ADA: variants seen among roughly 807,000 people sequenced by gnomAD.
ADA encodes the protein adenosine deaminase.
Under a neutral mutation model 49.0 loss-of-function variants are expected in ADA, and 45 were observed. The observed-to-expected ratio is 0.92, with a 90% CI of 0.72 to 1.18. ADA has a LOEUF of 1.18. Ranked by LOEUF, ADA falls within the 50% of genes most tolerant of loss-of-function variation. The probability of loss-of-function intolerance (pLI) is 0.00; values close to 1 mark genes in which losing one functional copy is unlikely to be tolerated. For missense variants in ADA, 445 were observed against 472.5 expected (o/e 0.94, Z 0.54); for synonymous variants, 173 against 184.2 (o/e 0.94, Z 0.49).
intron 3 of ADA, among the ~76,000 whole-genome samples, 172 bp from the exon 4 acceptor site, chr20:44,626,771 A>G (rs554708630): frequency 1.3e-5 from 2 of 152,118 alleles, no homozygotes; most frequent in East Asian, 3.9e-4. Context: ...TATCAGCTCT[A>G]CTTTGGAACT....
chr20:44,619,660 A>T lies in ADA; in HGVS notation c.*174T>A, dbSNP rs886056706. On this transcript the variant is annotated 3_prime_UTR_variant, in exon 12 of 12. Transcript: ENST00000372874. ...GCCAGGGCACATAATCAGAGAAGTG[A>T]CGCGGCCATGCCGAGGTATACGTGT... The T allele has an allele frequency of 7.6e-6, 6 of 789,490 alleles. No homozygotes were observed. The highest frequency in any genetic ancestry group is 1.7e-5 in the African/African-American group (1 of 58,114). The allele number at this position is 789,490 out of a possible 1,614,324, so 48.9% of individuals were successfully genotyped here.
chr20:44,624,515 C>T (rs2065364056), intron 5 of ADA, among the ~76,000 whole-genome samples, 186 bp from the exon 6 acceptor site: 1 of 152,280 alleles, frequency 6.6e-6, no homozygotes, highest in Non-Finnish European at 1.5e-5. Flanking sequence ...CTTATGGCCT[C>T]AGTTTCCGCC....
intron 2 of ADA, chr20:44,635,943 T>C: frequency 2.1e-6 from 1 of 477,466 alleles, no homozygotes; most frequent in Non-Finnish European, 3.8e-6. Context: ...ACTACCTTCA[T>C]GCACGTATGT....
chr20:44,623,861 C>A (rs896212118), intron 6 of ADA: 16 of 386,606 alleles, frequency 4.1e-5, no homozygotes, highest in Non-Finnish European at 7.7e-5. Flanking sequence ...AATTCTCCCA[C>A]CTCAGCCTCC....
At chr20:44,632,691 T>A (rs369823091) in intron 2 of ADA, among the ~76,000 whole-genome samples, 24 of 152,164 alleles carry the variant, frequency 1.6e-4, no homozygotes, top group Admixed American at 5.9e-4. Flanking sequence ...CTCTGTTTTT[T>A]CTTTTGTTTT....
Position 44,623,078 on chromosome 20 carries a change from C to G in ADA, c.607G>C (p.Glu203Gln). The G allele has an allele frequency of 1.2e-6, 2 of 1,614,070 alleles. No homozygotes were observed. The highest frequency in any genetic ancestry group is 2.2e-5 in the South Asian group (2 of 91,074). Residue 203 changes from glutamate to glutamine, a missense_variant and splice_region_variant, in exon 7 of 12, where the codon GAG becomes CAG. Glu to Gln is a conservative substitution (Grantham distance 29). Coordinates refer to ENST00000372874, the MANE Select transcript of ADA (RefSeq NM_000022.4). ...CGGTGAATGCCGCTCTTCACAGCCT[C>G]CTGGAAGGGGGAGAGCCAGGTCATG... is the stretch of plus-strand genomic sequence containing the variant. ...LLPGHVQAYQ[E>Q]AVKSGIHRTV...
chr20:44,620,493 C>A (rs2065319093), intron 10 of ADA, 92 bp from the exon 11 acceptor site: 1 of 1,076,670 alleles, frequency 9.3e-7, no homozygotes, highest in South Asian at 1.3e-5. Context: ...CTTCACTCAA[C>A]ATGGGCAGAT....
chr20:44,627,072 C>T (rs1335458599), intron 3 of ADA, among the ~76,000 whole-genome samples: 6 of 152,054 alleles, frequency 3.9e-5, no homozygotes, highest in Admixed American at 3.9e-4. Flanking sequence ...CCGGAGAAGA[C>T]ACAGGCCTGC....
At chr20:44,642,478 A>G (rs1478895386) in intron 1 of ADA, among the ~76,000 whole-genome samples, 1 of 152,214 alleles carries the variant, frequency 6.6e-6, no homozygotes, top group Non-Finnish European at 1.5e-5. Flanking sequence ...AGAAGAAAGA[A>G]GGAGAGGGAG....
At chr20:44,645,332 T>TG (rs1490925683) in intron 1 of ADA, among the ~76,000 whole-genome samples, 10 of 130,124 alleles carry the variant, frequency 7.7e-5, no homozygotes, top group Non-Finnish European at 1.4e-4. Context: ...CACTCCAGCT[T>TG]GGGTGACAGA....
At chr20:44,639,283 C>T (rs6103795) in intron 1 of ADA, among the ~76,000 whole-genome samples, 4,006 of 152,124 alleles carry the variant, frequency 0.026, 182 homozygotes, top group African/African-American at 0.092. Context: ...GGGTGGGGAG[C>T]AATTCCCGCA....
intron 3 of ADA, among the ~76,000 whole-genome samples, chr20:44,627,179 TTATC>T (rs1275781497): frequency 6.6e-6 from 1 of 150,502 alleles, no homozygotes; most frequent in Non-Finnish European, 1.5e-5. Context: ...CCTGACCACC[TTATC>T]TTTTTTTTTT....
chr20:44,642,066 C>T (rs1274083798), intron 1 of ADA, among the ~76,000 whole-genome samples: 1 of 152,196 alleles, frequency 6.6e-6, no homozygotes, highest in Admixed American at 6.5e-5. Flanking sequence ...CCTTACCCTG[C>T]CTGGCAAAAG....
At chr20:44,621,268 GA>G in intron 9 of ADA, 121 bp from the exon 10 acceptor site, 8 of 1,305,114 alleles carry the variant, frequency 6.1e-6, no homozygotes, top group Non-Finnish European at 7.6e-6. Context: ...TGAAAGATCT[GA>G]TCCTTGTGCA....
chr20:44,651,462 G>A (rs2145366769), intron 1 of ADA, 113 bp downstream of exon 1: 4 of 1,076,602 alleles, frequency 3.7e-6, no homozygotes, highest in Non-Finnish European at 5.4e-6. Flanking sequence ...GAACTCGCCT[G>A]CAGGAGCCCC....
rs551832248 is a variant in ADA, at chr20:44,620,395, T to G, written c.982A>C (p.Asn328His). ...GGGAGGAAACTAGATTTGGCCGCATTGATGTTCTGGAAAGGCCAGAATGGC... is the reference window on the plus strand; with the variant it reads ...GGGAGGAAACTAGATTTGGCCGCATGGATGTTCTGGAAAGGCCAGAATGGC... Reference protein sequence around the residue: ...TEEEFKRLNINAAKSSFLPED... With the variant: ...TEEEFKRLNIHAAKSSFLPED... Residue 328 changes from asparagine (N) to histidine (H), a missense_variant, in exon 11 of 12, where the codon AAT (asparagine) becomes CAT (histidine). By Grantham distance (68) the Asn-to-His change is moderately conservative. Transcript: ENST00000372874. 1 of 1,614,140 alleles carries G rather than the reference T, an allele frequency of 6.2e-7. No homozygotes were observed. The highest frequency in any genetic ancestry group is 1.7e-5 in the Admixed American group (1 of 60,024).
chr20:44,651,026 T>G (rs1189696381), intron 1 of ADA, among the ~76,000 whole-genome samples: 1 of 152,178 alleles, frequency 6.6e-6, no homozygotes, highest in Admixed American at 6.5e-5. Context: ...CTAGCTCCTG[T>G]TCTTCCCGCG....
In ADA at chr20:44,624,188, C is replaced by T; in HGVS notation, c.606+14G>A. 6.2e-7 allele frequency: 1 copy of T among 1,605,034 alleles called. No homozygotes were observed. Among genetic ancestry groups the T allele is most frequent in the Non-Finnish European group, 8.5e-7 (1 of 1,175,396 alleles). ...CCCAGGGCCAGCCTCTCCATTCCTT[C>T]TCACAGGACCCACCTGGTAGGCCTG... On this transcript the variant is annotated intron_variant, in intron 6 of 11. Transcript: ENST00000372874.
Position 44,624,344 on chromosome 20 carries a change from C to A in ADA, c.479-15G>T. The A allele has an allele frequency of 6.2e-7, 1 of 1,612,412 alleles. No homozygotes were observed. The highest frequency in any genetic ancestry group is 8.5e-7 in the Non-Finnish European group (1 of 1,179,556). The stretch of plus-strand genomic sequence containing the variant: ...GGGGGACCAGTCTGTGGGCGAGATG[C>A]CCACCCAGGCTCTGTCACCAGCACC... On this transcript the variant is annotated splice_polypyrimidine_tract_variant and intron_variant, in intron 5 of 11. Coordinates refer to ENST00000372874, the MANE Select transcript of ADA (RefSeq NM_000022.4).
Sources: gnomAD v4.1 joint callset for allele counts (sites outside exome capture counted in the v4.1 genomes callset) on GRCh38, gnomAD v4.1.1 for gene constraint, MANE v1.5 for transcripts, NCBI Gene and HGNC (gene_info 2026-07-23, HGNC 2026-07-21) for gene names.